KIF1B: variants seen among roughly 807,000 people sequenced by gnomAD.
The protein encoded by KIF1B is kinesin family member 1B, also known as kinesin-like protein KIF1B.
A neutral mutation model predicts 241.9 loss-of-function variants in KIF1B; 76 were observed. The observed-to-expected ratio is 0.31, with a 90% CI of 0.26 to 0.38. KIF1B has a LOEUF of 0.38. Ranked by LOEUF, KIF1B falls within the 10% of genes least tolerant of loss-of-function variation. The probability of loss-of-function intolerance (pLI) is 1.00; values close to 1 mark genes in which losing one functional copy is unlikely to be tolerated. For missense variants in KIF1B, 1,622 were observed against 2,271.4 expected, an observed-to-expected ratio of 0.71 and a Z score of 5.81; for synonymous variants, 750 against 796.7, an observed-to-expected ratio of 0.94 and a Z score of 0.99.
At chr1:10,285,046 C>G (rs956435234) in intron 15 of KIF1B, among the ~76,000 whole-genome samples, 6 of 152,074 alleles carry the variant, frequency 3.9e-5, no homozygotes, top group African/African-American at 1.4e-4. Context: ...TTACTAAAGA[C>G]CTTAGTGAAG....
intron 2 of KIF1B, among the ~76,000 whole-genome samples, chr1:10,246,759 G>T (rs1314762519): frequency 3.3e-5 from 5 of 152,166 alleles, no homozygotes; most frequent in Admixed American, 2.6e-4. Flanking sequence ...AGAAAAAAAA[G>T]AAATATAAAT....
rs551794352 is a variant in KIF1B at position 10,346,520 on chromosome 1, A to C, written c.3797+567A>C. Among the ~76,000 whole-genome samples the C allele has an allele frequency of 4.6e-5, 7 of 152,182 alleles. No homozygotes were observed. In the East Asian group the frequency reaches 1.4e-3, roughly 29 times the overall value. ...GCTGGGATTACAGGTGCGTGCCACC[A>C]CGCCAGGCTAATTTTTGTATTTTTA... On this transcript the variant is annotated intron_variant, in intron 35 of 48. Transcript: ENST00000676179.
At chr1:10,332,225 C>A (rs1651971577) in intron 27 of KIF1B, among the ~76,000 whole-genome samples, 1 of 151,940 alleles carries the variant, frequency 6.6e-6, no homozygotes, top group Admixed American at 6.6e-5. Context: ...GCCACCGTGC[C>A]TGGCTAAATT....
chr1:10,273,709 CAAAAAAAAAA>C (rs56349613), intron 10 of KIF1B, among the ~76,000 whole-genome samples: 3 of 49,578 alleles, frequency 6.1e-5, no homozygotes, highest in Non-Finnish European at 1.1e-4. Flanking sequence ...TCCTCCTCCT[CAAAAAAAAAA>C]AAAAAAAAAA....
chr1:10,253,814 C>A (rs78350209), intron 2 of KIF1B, among the ~76,000 whole-genome samples: 5,513 of 152,238 alleles, frequency 0.036, 350 homozygotes, highest in African/African-American at 0.12. Context: ...ACCATGTCTC[C>A]TTGTCACATG....
At chr1:10,341,744 G>A (rs1652399750) in intron 32 of KIF1B, among the ~76,000 whole-genome samples, 1 of 152,140 alleles carries the variant, frequency 6.6e-6, no homozygotes, top group African/African-American at 2.4e-5. Flanking sequence ...TGAGGCAGAA[G>A]GATCAGTTCA....
chr1:10,338,844 G>C (rs1419993358), intron 31 of KIF1B, among the ~76,000 whole-genome samples: 1 of 152,266 alleles, frequency 6.6e-6, no homozygotes, highest in Non-Finnish European at 1.5e-5. Context: ...CAGCAATACA[G>C]GAATCAGGGA....
At chr1:10,252,414 T>TTGC (rs1557665933) in intron 2 of KIF1B, among the ~76,000 whole-genome samples, 1 of 151,774 alleles carries the variant, frequency 6.6e-6, no homozygotes. Flanking sequence ...GTTGTTGTTG[T>TTGC]TGCTGTTGTT....
chr1:10,220,245 C>G (rs898159279), intron 1 of KIF1B, among the ~76,000 whole-genome samples: 1 of 150,744 alleles, frequency 6.6e-6, no homozygotes, highest in African/African-American at 2.4e-5. Flanking sequence ...GTGGCATGTG[C>G]CTGTAGTCCC....
At chr1:10,245,158 A>G (rs1647192645) in intron 2 of KIF1B, among the ~76,000 whole-genome samples, 1 of 152,236 alleles carries the variant, frequency 6.6e-6, no homozygotes. Context: ...AAAGGCGTTT[A>G]AATACTAATC....
In KIF1B at chr1:10,272,285, C is replaced by T; in HGVS notation, c.843C>T (p.Val281=). The T allele has an allele frequency of 6.2e-7, 1 of 1,607,736 alleles. No homozygotes were observed. The highest frequency in any genetic ancestry group is 8.5e-7 in the Non-Finnish European group (1 of 1,174,276). ...AGTCTCTTACAACTTTGGGCAAAGT[C>T]ATTTCAGCCTTGGCCGAGGTGGTAA... ...INKSLTTLGK[V]ISALAEVDNC... is the part of the protein sequence containing the mutation. The change falls in exon 9 of 49, where the codon GTC becomes GTT. Residue 281 remains valine (V), a synonymous_variant. Transcript: ENST00000676179.
At chr1:10,325,965 G>A (rs1651706543) in intron 26 of KIF1B, 146 bp from the exon 27 acceptor site, 2 of 1,095,038 alleles carry the variant, frequency 1.8e-6, no homozygotes, top group Non-Finnish European at 2.8e-6. Flanking sequence ...AATGATTTAT[G>A]CTTATTTTAT....
chr1:10,352,545 G>C, intron 37 of KIF1B, 86 bp from the exon 38 acceptor site: 2 of 1,199,670 alleles, frequency 1.7e-6, no homozygotes, highest in East Asian at 4.7e-5. Context: ...CTTACACAGA[G>C]ATTTAAAAGT....
chr1:10,232,523 T>C (rs1646996381), intron 2 of KIF1B, 89 bp downstream of exon 2: 1 of 908,778 alleles, frequency 1.1e-6, no homozygotes, highest in East Asian at 2.5e-5. Context: ...TAGATGAACA[T>C]CTGTATGTTA....
chr1:10,283,096 A>AGG (rs1649500103), intron 15 of KIF1B, among the ~76,000 whole-genome samples: 1 of 149,474 alleles, frequency 6.7e-6, no homozygotes, highest in Non-Finnish European at 1.5e-5. Flanking sequence ...AGTCCCAGCT[A>AGG]CTCCTGAGGC....
rs746863711 is a variant in KIF1B at position 10,326,168 on chromosome 1, C to G, written c.2733C>G (p.Pro911=). The change falls in exon 27 of 49, where the codon CCC becomes CCG. Residue 911 remains proline, a synonymous_variant. Transcript: ENST00000676179. This position sits in a 1 kb window ranked among gnomAD's most constrained non-coding sequence, Gnocchi z 5.2. ...GCCTTGCCGACCGCACACCCTCCCC[C>G]ACTTTTTCCACGGCCGATTCCGACA... The part of the protein sequence containing the change: ...NERLADRTPS[P]TFSTADSDIT... 5.0e-6 allele frequency: 8 copies of G among 1,614,068 alleles called. No individual in the cohort carries two copies. The highest frequency in any genetic ancestry group is 4.0e-5 in the African/African-American group (3 of 74,942).
chr1:10,332,682 A>AT (rs1651997763), intron 27 of KIF1B, among the ~76,000 whole-genome samples: 1 of 150,250 alleles, frequency 6.7e-6, no homozygotes, highest in African/African-American at 2.5e-5. Context: ...TGCCTGGCTA[A>AT]TTTTTTGTAT....
chr1:10,281,296 T>G (rs935307249), intron 14 of KIF1B, among the ~76,000 whole-genome samples: 3 of 152,076 alleles, frequency 2.0e-5, no homozygotes, highest in African/African-American at 7.3e-5. Context: ...CACCAATACT[T>G]AAGATTTACC....
At position 10,303,136 on chromosome 1, in the gene KIF1B, C is replaced by A; in HGVS notation, c.2115+5890C>A. 4 of 1,591,896 alleles carry A rather than the reference C, an allele frequency of 2.5e-6. No homozygotes were observed. Among genetic ancestry groups the A allele is most frequent in the Non-Finnish European group, 3.4e-6 (4 of 1,170,908 alleles). On this transcript the variant is annotated intron_variant, in intron 22 of 48. Transcript: ENST00000676179. The surrounding 1 kb of genome is among the most constrained non-coding windows in gnomAD (Gnocchi z 5.2). ...CATTTTAATTTTGGTTATTTTGGGGCCATTTTTTGATTTTGTTTTTCCAAA... is the reference window on the plus strand; with the variant it reads ...CATTTTAATTTTGGTTATTTTGGGGACATTTTTTGATTTTGTTTTTCCAAA...
Sources: allele counts gnomAD v4.1 joint callset (sites outside exome capture counted in the v4.1 genomes callset), GRCh38; gene constraint gnomAD v4.1.1; non-coding constraint Gnocchi (gnomAD v3.1); transcripts MANE v1.5; gene names NCBI Gene and HGNC (gene_info 2026-07-23, HGNC 2026-07-21).